PCDHGB2: variants seen among roughly 807,000 people sequenced by gnomAD.
PCDHGB2 encodes protocadherin gamma-B2.
In PCDHGB2, 55 loss-of-function variants were observed where a neutral mutation model predicts 59.3. That is an observed-to-expected ratio of 0.93 (90% CI 0.75 to 1.16). The LOEUF (loss-of-function observed/expected upper bound fraction) is 1.16. Ranked by LOEUF, PCDHGB2 falls within the 50% of genes most tolerant of loss-of-function variation. The pLI, the probability that PCDHGB2 is intolerant of heterozygous loss-of-function variation, is 0.00. For missense variants in PCDHGB2, 1,228 were observed against 1,198.5 expected (o/e 1.02, Z -0.36); for synonymous variants, 516 against 512.0 (o/e 1.01, Z -0.11).
rs202220616 is a variant in PCDHGB2, at chr5:141,389,200, A to G, written c.2421+26644A>G. On this transcript the variant is annotated intron_variant, in intron 1 of 3. Coordinates refer to ENST00000522605, the MANE Select transcript of PCDHGB2 (RefSeq NM_018923.3). ...TCCTCCAGTTCCAGCATCACCCTGC[A>G]CATTGGTGATGTAAATGACAACGCT... is the stretch of plus-strand genomic sequence containing the variant. 1,731 of 1,614,032 alleles carry G rather than the reference A, an allele frequency of 1.1e-3. 2 individuals carry two copies. Among genetic ancestry groups the G allele is most frequent in the Non-Finnish European group, 1.4e-3 (1,628 of 1,179,874 alleles).
chr5:141,395,157 C>G, intron 1 of PCDHGB2: 2 of 1,614,174 alleles, frequency 1.2e-6, no homozygotes, highest in Non-Finnish European at 1.7e-6. Context: ...GCTCATCAGT[C>G]AGGAGGGCTG....
At chr5:141,492,161 TC>T (rs1269738341) in intron 1 of PCDHGB2, among the ~76,000 whole-genome samples, 2 of 152,142 alleles carry the variant, frequency 1.3e-5, no homozygotes, top group Admixed American at 6.5e-5. Context: ...ACCCTCCCTA[TC>T]CCCGCATCAC....
At chr5:141,364,814 G>T in intron 1 of PCDHGB2, 1 of 1,614,042 alleles carries the variant, frequency 6.2e-7, no homozygotes, top group Non-Finnish European at 8.5e-7. Flanking sequence ...GGATGCGGAT[G>T]TGGGTGTGAA....
chr5:141,464,921 G>C (rs1562002597), intron 1 of PCDHGB2, among the ~76,000 whole-genome samples: 6 of 151,106 alleles, frequency 4.0e-5, no homozygotes, highest in Admixed American at 3.3e-4. Flanking sequence ...TTATTTTTTT[G>C]TAGAGATGTG....
chr5:141,360,842 A>G lies in PCDHGB2; in HGVS notation c.707A>G (p.Asn236Ser), dbSNP rs1016848749. The change falls in exon 1 of 4, where the codon AAC (asparagine) becomes AGC (serine). Residue 236 changes from asparagine (N) to serine (S), a missense_variant. Physicochemically the swap from Asn to Ser is conservative, Grantham distance 46. Transcript: ENST00000522605. Reference protein sequence around the residue: ...TQIRIKVTDANDNPPVFSQDV... With the variant: ...TQIRIKVTDASDNPPVFSQDV... Reference sequence around the variant, plus strand: ...ATCCGAATCAAAGTCACGGATGCCAACGATAACCCTCCAGTGTTCAGCCAG... The same window carrying G: ...ATCCGAATCAAAGTCACGGATGCCAGCGATAACCCTCCAGTGTTCAGCCAG... The G allele has an allele frequency of 7.4e-6, 12 of 1,614,028 alleles. No individual in the cohort carries two copies. The highest frequency in any genetic ancestry group is 1.0e-5 in the Non-Finnish European group (12 of 1,179,904).
chr5:141,381,133 C>A (rs1285338974), intron 1 of PCDHGB2, among the ~76,000 whole-genome samples: 2 of 152,202 alleles, frequency 1.3e-5, no homozygotes, highest in East Asian at 1.9e-4. Context: ...TGGAGCAATG[C>A]CACCAGAAAG....
chr5:141,421,054 A>C, intron 1 of PCDHGB2: 2 of 571,978 alleles, frequency 3.5e-6, no homozygotes, highest in Non-Finnish European at 6.0e-6. Context: ...CGCCTCTACC[A>C]CACAAAGCGG....
intron 1 of PCDHGB2, chr5:141,478,819 C>G (rs927315523): frequency 2.1e-6 from 3 of 1,447,842 alleles, no homozygotes; most frequent in Non-Finnish European, 2.7e-6. Context: ...CACAACTAAC[C>G]AATCTTGCTA....
intron 1 of PCDHGB2, chr5:141,365,726 C>T (rs1266306756): frequency 6.2e-7 from 1 of 1,613,804 alleles, no homozygotes; most frequent in East Asian, 2.2e-5. Flanking sequence ...AGAAAACAAT[C>T]CCAGAGGTGT....
intron 1 of PCDHGB2, chr5:141,420,339 T>C: frequency 7.2e-7 from 1 of 1,395,458 alleles, no homozygotes; most frequent in Non-Finnish European, 9.6e-7. Context: ...TCCAATATAG[T>C]GGTATTATTT....
chr5:141,375,832 G>T, intron 1 of PCDHGB2: 1 of 1,614,146 alleles, frequency 6.2e-7, no homozygotes, highest in Non-Finnish European at 8.5e-7. Flanking sequence ...GCTCCGCAGA[G>T]CCCGGCTACC....
At chr5:141,374,954 A>C in intron 1 of PCDHGB2, 1 of 1,613,990 alleles carries the variant, frequency 6.2e-7, no homozygotes, top group Non-Finnish European at 8.5e-7. Flanking sequence ...GATCTCACAA[A>C]TTTTCTGTTT....
chr5:141,413,832 C>T, intron 1 of PCDHGB2: 1 of 1,613,228 alleles, frequency 6.2e-7, no homozygotes. Context: ...TCACCGCCTC[C>T]GACGGGGGTG....
intron 2 of PCDHGB2, among the ~76,000 whole-genome samples, chr5:141,499,112 A>G (rs550424495): frequency 6.6e-6 from 1 of 152,238 alleles, no homozygotes; most frequent in African/African-American, 2.4e-5. Context: ...CCCCACCACT[A>G]TCCCTTCTCA....
At position 141,362,448 on chromosome 5, in the gene PCDHGB2, C is replaced by G. The variant is rs1370790602; in HGVS notation, c.2313C>G (p.Thr771=). The change falls in exon 1 of 4, where the codon ACC becomes ACG. Residue 771 remains threonine, a synonymous_variant. Transcript: ENST00000522605. ...AKTEFNFLNI[T]PELVPAQDLV... Reference sequence around the variant, plus strand: ...CAGAGTTCAATTTTCTGAACATAACCCCGGAATTGGTTCCCGCGCAAGATC... The same window carrying G: ...CAGAGTTCAATTTTCTGAACATAACGCCGGAATTGGTTCCCGCGCAAGATC... 2 of 1,613,916 alleles carry G rather than the reference C, an allele frequency of 1.2e-6. No homozygotes were observed. Among genetic ancestry groups the G allele is most frequent in the Non-Finnish European group, 1.7e-6 (2 of 1,179,902 alleles).
chr5:141,417,632 C>T (rs1395400349), intron 1 of PCDHGB2: 3 of 714,288 alleles, frequency 4.2e-6, no homozygotes, highest in Non-Finnish European at 6.5e-6. Context: ...GCGCTGACGC[C>T]GGGGATCCCT....
Position 141,361,102 on chromosome 5 carries a change from G to C in PCDHGB2, c.967G>C (p.Asp323His), listed in dbSNP as rs1025745459. The C allele has an allele frequency of 2.5e-6, 4 of 1,613,888 alleles. No homozygotes were observed. The African/African-American group carries it at 5.3e-5, about 22-fold the overall frequency. The change falls in exon 1 of 4, where the codon GAT becomes CAT. Residue 323 changes from aspartate (D) to histidine (H), a missense_variant. Physicochemically the swap from Asp to His is moderately conservative, Grantham distance 81. Transcript: ENST00000522605. ...TTACACTCTGAGTATCGAAGCAAAA[G>C]ATCCTGGAGATCTAGCAGCCCACTG... ...SSYTLSIEAK[D>H]PGDLAAHCSI...
intron 1 of PCDHGB2, chr5:141,371,107 A>AC (rs1370451724): frequency 5.0e-6 from 8 of 1,613,532 alleles, no homozygotes; most frequent in East Asian, 2.2e-5. Flanking sequence ...GCAAATGATA[A>AC]CCCCCCAGTA....
At chr5:141,399,279 C>T (rs370090713) in intron 1 of PCDHGB2, 76 of 1,613,576 alleles carry the variant, frequency 4.7e-5, no homozygotes, top group Non-Finnish European at 5.0e-5. Flanking sequence ...AATTACAAGG[C>T]GAAGTCCCTT....
Sources: gnomAD v4.1 joint callset for allele counts (sites outside exome capture counted in the v4.1 genomes callset) on GRCh38, gnomAD v4.1.1 for gene constraint, MANE v1.5 for transcripts, NCBI Gene and HGNC (gene_info 2026-07-23, HGNC 2026-07-21) for gene names.